Variants in C7 observed in about 807,000 individuals in gnomAD.
The protein encoded by C7 is complement C7.
A neutral mutation model predicts 104.8 loss-of-function variants in C7; 83 were observed. The observed-to-expected ratio is 0.79, with a 90% CI of 0.66 to 0.95. The LOEUF (loss-of-function observed/expected upper bound fraction) is 0.95, where lower values mean the gene tolerates loss of function less well. Ranked by LOEUF, C7 falls within the 40% of genes least tolerant of loss-of-function variation. The pLI is 0.00. For synonymous variants in C7, 415 were observed against 360.6 expected (o/e 1.15, Z -1.71); for missense variants, 1,070 against 1,011.2 (o/e 1.06, Z -0.79).
At position 40,918,918 on chromosome 5, in the gene C7, G is replaced by A. The variant is rs116023301; in HGVS notation, c.6+9302G>A. Among the ~76,000 whole-genome samples, 655 of 148,628 alleles carry A rather than the reference G, an allele frequency of 4.4e-3. 5 individuals are homozygous for A. Among genetic ancestry groups the A allele is most frequent in the African/African-American group, 0.016 (627 of 40,040 alleles). The stretch of plus-strand genomic sequence containing the variant: ...AAATTAGTAAGAAAACATTGGATTT[G>A]AAAATCGCTTTAGACCTAATGAATC... On this transcript the variant is annotated intron_variant, in intron 1 of 17. Coordinates refer to ENST00000313164, the MANE Select transcript of C7 (RefSeq NM_000587.4).
intron 1 of C7, among the ~76,000 whole-genome samples, chr5:40,910,913 T>C (rs1168795970): frequency 6.6e-6 from 1 of 152,100 alleles, no homozygotes; most frequent in East Asian, 1.9e-4. Context: ...TATTTTACAA[T>C]AAGAAATCTT....
intron 6 of C7, among the ~76,000 whole-genome samples, chr5:40,943,859 A>G (rs927832133): frequency 6.6e-6 from 1 of 152,140 alleles, no homozygotes; most frequent in Non-Finnish European, 1.5e-5. Flanking sequence ...TTTAGCATGC[A>G]TATCTAATAC....
At chr5:40,942,550 G>A (rs1739961627) in intron 6 of C7, among the ~76,000 whole-genome samples, 2 of 152,168 alleles carry the variant, frequency 1.3e-5, no homozygotes, top group Non-Finnish European at 2.9e-5. Flanking sequence ...ATCATCTTCT[G>A]AGAGTGAAGG....
chr5:40,945,097 T>C, intron 6 of C7, 101 bp from the exon 7 acceptor site: 2 of 652,398 alleles, frequency 3.1e-6, no homozygotes, highest in Middle Eastern at 4.2e-4. Flanking sequence ...TTTGTGCCAA[T>C]GAAGAGCTTT....
rs543515577 is a variant in C7, at chr5:40,941,389, T to A, written c.567+3699T>A. ...CGAGGAGCACTTTTGAATAACTGAA[T>A]GAAGTTCAAACTGGCTGGATTACAC... On this transcript the variant is annotated intron_variant, in intron 6 of 17. Coordinates refer to ENST00000313164, the MANE Select transcript of C7 (RefSeq NM_000587.4). Among the ~76,000 whole-genome samples the A allele has an allele frequency of 5.3e-5, 8 of 152,132 alleles. No individual in the cohort carries two copies. The East Asian group carries it at 1.5e-3, about 29-fold the overall frequency.
intron 16 of C7, 55 bp from the exon 17 acceptor site, chr5:40,979,670 C>T: frequency 1.4e-6 from 2 of 1,469,140 alleles, no homozygotes; most frequent in Non-Finnish European, 1.9e-6. Context: ...ATTTCTCCTT[C>T]TCAGCTTTTA....
intron 9 of C7, among the ~76,000 whole-genome samples, chr5:40,951,178 GAA>G (rs2111641585): frequency 6.6e-6 from 1 of 152,290 alleles, no homozygotes; most frequent in South Asian, 2.1e-4. Context: ...CTGCTTTTGA[GAA>G]GTGTCCGTTC....
At chr5:40,940,243 G>A (rs1323890312) in intron 6 of C7, among the ~76,000 whole-genome samples, 2 of 152,192 alleles carry the variant, frequency 1.3e-5, no homozygotes, top group Non-Finnish European at 2.9e-5. Flanking sequence ...TAGCATCGCG[G>A]TTTATCCAGG....
intron 6 of C7, among the ~76,000 whole-genome samples, chr5:40,943,878 G>C (rs965073598): frequency 2.0e-5 from 3 of 151,894 alleles, no homozygotes; most frequent in Non-Finnish European, 4.4e-5. Context: ...ACTCAATGGG[G>C]GTAGTGATAA....
chr5:40,950,528 T>C (rs1320963998), intron 9 of C7, among the ~76,000 whole-genome samples: 1 of 152,210 alleles, frequency 6.6e-6, no homozygotes, highest in Non-Finnish European at 1.5e-5. Flanking sequence ...AGTCTTCTAT[T>C]GTTAATTCTT....
chr5:40,936,550 A>T, intron 5 of C7, 65 bp downstream of exon 5: 1 of 1,483,302 alleles, frequency 6.7e-7, no homozygotes, highest in Non-Finnish European at 9.2e-7. Flanking sequence ...GTTTTATTTT[A>T]TAGTTTGGTA....
intron 14 of C7, among the ~76,000 whole-genome samples, chr5:40,965,487 C>T (rs1740523187): frequency 6.6e-6 from 1 of 152,112 alleles, no homozygotes; most frequent in South Asian, 2.1e-4. Context: ...ATTGGGTATA[C>T]ATACATTTAG....
At position 40,983,664 on chromosome 5, in the gene C7, GC is replaced by G. The variant is rs1741001851; in HGVS notation, c.*2092del. 2.0e-5 allele frequency among the ~76,000 whole-genome samples: 3 copies of G among 152,180 alleles called. No homozygotes were observed. Among genetic ancestry groups the G allele is most frequent in the African/African-American group, 7.2e-5 (3 of 41,438 alleles). The stretch of plus-strand genomic sequence containing the variant: ...GAATTAGGATTGTCGCAGCAGGTCA[GC>G]AAGGAGAAAGTCATTTTTAAGATTA... On this transcript the variant is annotated 3_prime_UTR_variant, in exon 18 of 18. Transcript: ENST00000313164.
At chr5:40,928,535 AAG>A (rs1487101640) in intron 1 of C7, 43 bp from the exon 2 acceptor site, 8 of 1,117,836 alleles carry the variant, frequency 7.2e-6, no homozygotes, top group Non-Finnish European at 1.0e-5. Context: ...TAGTTATAAA[AAG>A]AAATGCAAGC....
At chr5:40,916,116 T>C (rs1055249805) in intron 1 of C7, among the ~76,000 whole-genome samples, 22 of 152,204 alleles carry the variant, frequency 1.4e-4, no homozygotes, top group African/African-American at 5.1e-4. Flanking sequence ...ACAGTTAAAG[T>C]AGGAAAATAT....
chr5:40,965,265 G>A (rs1321179767), intron 14 of C7, among the ~76,000 whole-genome samples: 4 of 152,140 alleles, frequency 2.6e-5, no homozygotes, highest in South Asian at 4.1e-4. Context: ...TCTGCATGCT[G>A]CACCACCCTA....
intron 14 of C7, among the ~76,000 whole-genome samples, chr5:40,969,069 T>C (rs1220656972): frequency 6.6e-6 from 1 of 152,118 alleles, no homozygotes; most frequent in East Asian, 1.9e-4. Context: ...CCAGTTTCCC[T>C]ATTAGGTATT....
intron 1 of C7, among the ~76,000 whole-genome samples, chr5:40,918,186 T>C (rs1739358246): frequency 6.6e-6 from 1 of 151,710 alleles, no homozygotes; most frequent in Non-Finnish European, 1.5e-5. Flanking sequence ...GGTGGCCCTA[T>C]CTCTACAATA....
chr5:40,949,197 T>C (rs1460897480), intron 8 of C7, among the ~76,000 whole-genome samples: 1 of 152,118 alleles, frequency 6.6e-6, no homozygotes, highest in Non-Finnish European at 1.5e-5. Context: ...ATGTTTTTCC[T>C]AAAATTTTTA....
Sources: allele counts gnomAD v4.1 joint callset (sites outside exome capture counted in the v4.1 genomes callset), GRCh38; gene constraint gnomAD v4.1.1; transcripts MANE v1.5; gene names NCBI Gene and HGNC (gene_info 2026-07-23, HGNC 2026-07-21).